The following ADAMTSL1 variants were observed in gnomAD, a reference collection of about 807,000 sequenced individuals.
ADAMTSL1 encodes the protein ADAMTS like 1.
Under a neutral mutation model 201.8 loss-of-function variants are expected in ADAMTSL1, and 126 were observed. The observed-to-expected ratio is 0.62, with a 90% CI of 0.54 to 0.72. The LOEUF (loss-of-function observed/expected upper bound fraction) is 0.72. Ranked by LOEUF, ADAMTSL1 falls within the 30% of genes least tolerant of loss-of-function variation. The pLI is 0.00. For missense variants in ADAMTSL1, 2,679 were observed against 2,277.8 expected, an observed-to-expected ratio of 1.18 and a Z score of -3.59; for synonymous variants, 1,121 against 903.4, an observed-to-expected ratio of 1.24 and a Z score of -4.32.
intron 2 of ADAMTSL1, among the ~76,000 whole-genome samples, chr9:18,346,240 A>G (rs1835708931): frequency 6.6e-6 from 1 of 152,122 alleles, no homozygotes; most frequent in South Asian, 2.1e-4. Context: ...ATTTGTCATC[A>G]CTTTTGCCTA....
intron 1 of ADAMTSL1, among the ~76,000 whole-genome samples, chr9:18,491,925 T>G (rs1406718947): frequency 6.6e-6 from 1 of 152,210 alleles, no homozygotes; most frequent in Non-Finnish European, 1.5e-5. Flanking sequence ...GCACTTATAC[T>G]ACAATCTACT....
chr9:18,094,518 C>G (rs545718712), intron 1 of ADAMTSL1, among the ~76,000 whole-genome samples: 1 of 152,292 alleles, frequency 6.6e-6, no homozygotes, highest in South Asian at 2.1e-4. Context: ...CATCTGTGAG[C>G]CACTGTGCCT....
intron 1 of ADAMTSL1, among the ~76,000 whole-genome samples, chr9:18,034,699 T>G (rs1288594184): frequency 6.6e-6 from 1 of 152,184 alleles, no homozygotes; most frequent in Non-Finnish European, 1.5e-5. Context: ...ATTTTTATTC[T>G]TACTTTCTCT....
intron 2 of ADAMTSL1, among the ~76,000 whole-genome samples, chr9:18,298,747 G>A (rs1373182153): frequency 6.6e-6 from 1 of 152,026 alleles, no homozygotes; most frequent in Admixed American, 6.5e-5. Context: ...TAATAGGCCG[G>A]GCTCGGTGGC....
chr9:18,618,582 CAAA>C (rs35996734), intron 4 of ADAMTSL1, among the ~76,000 whole-genome samples: 1 of 132,284 alleles, frequency 7.6e-6, no homozygotes, highest in African/African-American at 2.8e-5. Context: ...TATTCTCTCA[CAAA>C]AAAAAAAAAA....
chr9:18,868,482 T>G (rs1444000422), intron 23 of ADAMTSL1, among the ~76,000 whole-genome samples: 1 of 152,218 alleles, frequency 6.6e-6, no homozygotes, highest in Admixed American at 6.5e-5. Flanking sequence ...AAATTTGATG[T>G]TTTTAAGCAT....
At chr9:18,721,483 C>T in intron 14 of ADAMTSL1, 53 bp from the exon 15 acceptor site, 26 of 1,600,970 alleles carry the variant, frequency 1.6e-5, no homozygotes, top group Non-Finnish European at 2.2e-5. Flanking sequence ...TTCATCACCC[C>T]CCACACACAC....
intron 2 of ADAMTSL1, among the ~76,000 whole-genome samples, chr9:18,379,750 A>G (rs1385555309): frequency 1.3e-5 from 2 of 152,224 alleles, no homozygotes; most frequent in Non-Finnish European, 2.9e-5. Context: ...GATGAAAGAA[A>G]AAACATAAAC....
chr9:18,340,624 G>T (rs758647620), intron 2 of ADAMTSL1, among the ~76,000 whole-genome samples: 1 of 152,122 alleles, frequency 6.6e-6, no homozygotes, highest in Non-Finnish European at 1.5e-5. Flanking sequence ...GAGGGACCAG[G>T]TGGGAGGTAA....
intron 1 of ADAMTSL1, among the ~76,000 whole-genome samples, chr9:18,142,357 AG>A (rs1490324267): frequency 1.3e-5 from 2 of 152,212 alleles, no homozygotes; most frequent in East Asian, 3.9e-4. Context: ...CAAAGGACAA[AG>A]AAAAAGTCAG....
rs566889677 is a variant in ADAMTSL1 at position 18,072,065 on chromosome 9, G to C, written c.88-91797G>C. 2.0e-5 allele frequency among the ~76,000 whole-genome samples: 3 copies of C among 152,200 alleles called. No individual in the cohort carries two copies. In the East Asian group the frequency reaches 5.8e-4, roughly 29 times the overall value. On this transcript the variant is annotated intron_variant, in intron 1 of 29. Coordinates refer to the ADAMTSL1 transcript ENST00000680146. Reference sequence around the variant, plus strand: ...TGTTAGAACAAGAACATTGCCATTCGTATGTCCAAGCTTGCATTTTCCGGG... The same window carrying C: ...TGTTAGAACAAGAACATTGCCATTCCTATGTCCAAGCTTGCATTTTCCGGG...
chr9:18,320,231 C>T (rs1193335286), intron 2 of ADAMTSL1, among the ~76,000 whole-genome samples: 1 of 152,172 alleles, frequency 6.6e-6, no homozygotes, highest in Non-Finnish European at 1.5e-5. Flanking sequence ...AACAGTTAAA[C>T]CATGCTGTAC....
intron 1 of ADAMTSL1, among the ~76,000 whole-genome samples, chr9:18,011,477 G>A (rs1586892143): frequency 6.6e-6 from 1 of 151,954 alleles, no homozygotes; most frequent in South Asian, 2.1e-4. Context: ...AAGATGGCAC[G>A]GAACCGCCCC....
At chr9:18,580,943 T>A (rs1021759319) in intron 4 of ADAMTSL1, among the ~76,000 whole-genome samples, 1 of 151,132 alleles carries the variant, frequency 6.6e-6, no homozygotes, top group African/African-American at 2.4e-5. Context: ...ATCATCTGCT[T>A]GAATCATTTC....
intron 19 of ADAMTSL1, among the ~76,000 whole-genome samples, chr9:18,790,139 C>A (rs1489808840): frequency 6.6e-6 from 1 of 152,134 alleles, no homozygotes; most frequent in African/African-American, 2.4e-5. Flanking sequence ...TAAACTGAGA[C>A]CTTTTTACTT....
At chr9:18,744,140 T>C (rs1818998328) in intron 15 of ADAMTSL1, among the ~76,000 whole-genome samples, 4 of 152,240 alleles carry the variant, frequency 2.6e-5, no homozygotes, top group Admixed American at 2.6e-4. Flanking sequence ...GGAAGTGCAA[T>C]TCATCAGGTC....
chr9:18,799,894 C>T (rs1168325308), intron 20 of ADAMTSL1, among the ~76,000 whole-genome samples: 1 of 152,104 alleles, frequency 6.6e-6, no homozygotes, highest in East Asian at 1.9e-4. Context: ...TTAGTAGCTA[C>T]AATAAAAGAC....
At chr9:18,503,813 C>A (rs759554778) in intron 1 of ADAMTSL1, among the ~76,000 whole-genome samples, 19 of 152,086 alleles carry the variant, frequency 1.2e-4, no homozygotes, top group Non-Finnish European at 2.6e-4. Context: ...AGTTCAAGTA[C>A]AGGTTTTAAA....
intron 15 of ADAMTSL1, among the ~76,000 whole-genome samples, chr9:18,750,101 T>C (rs1053700494): frequency 1.3e-5 from 2 of 152,208 alleles, no homozygotes; most frequent in African/African-American, 4.8e-5. Flanking sequence ...TTAGATTTTG[T>C]TTTACACCCA....
Sources: allele counts gnomAD v4.1 joint callset (sites outside exome capture counted in the v4.1 genomes callset), GRCh38; gene constraint gnomAD v4.1.1; transcripts MANE v1.5; gene names NCBI Gene and HGNC (gene_info 2026-07-23, HGNC 2026-07-21).